JARID2: variants seen among roughly 807,000 people sequenced by gnomAD.
JARID2 encodes jumonji and AT-rich interaction domain containing 2, also known as protein Jumonji.
In JARID2, 21 loss-of-function variants were observed where a neutral mutation model predicts 125.6. The observed-to-expected ratio is 0.17, with a 90% CI of 0.12 to 0.24. The LOEUF is 0.24. Among genes scored for constraint, JARID2 ranks in the 10% least tolerant of loss-of-function variants. The probability of loss-of-function intolerance (pLI) is 1.00; values close to 1 mark genes in which losing one functional copy is unlikely to be tolerated. For synonymous variants in JARID2, 736 were observed against 661.6 expected, an observed-to-expected ratio of 1.11 and a Z score of -1.73; for missense variants, 1,303 against 1,639.6, an observed-to-expected ratio of 0.79 and a Z score of 3.55.
chr6:15,401,286 G>C (rs546736247), intron 2 of JARID2, among the ~76,000 whole-genome samples: 17 of 152,308 alleles, frequency 1.1e-4, no homozygotes, highest in African/African-American at 4.1e-4. Context: ...AAATTTACAA[G>C]AGAGAATTAA....
chr6:15,321,500 G>A (rs1445967416), intron 1 of JARID2, among the ~76,000 whole-genome samples: 2 of 152,048 alleles, frequency 1.3e-5, no homozygotes, highest in South Asian at 2.1e-4. Context: ...TATTACTTCT[G>A]CTCTGTTTCT....
At chr6:15,427,764 A>T (rs566770858) in intron 3 of JARID2, among the ~76,000 whole-genome samples, 1 of 152,224 alleles carries the variant, frequency 6.6e-6, no homozygotes, top group East Asian at 1.9e-4. Flanking sequence ...ATCTTACGTG[A>T]AAGGCACTAG....
intron 16 of JARID2, among the ~76,000 whole-genome samples, chr6:15,513,809 C>T (rs1354849258): frequency 6.6e-6 from 1 of 152,268 alleles, no homozygotes; most frequent in Admixed American, 6.5e-5. Context: ...GTCTGCCATT[C>T]CCTGTGGCCT....
At chr6:15,443,406 C>A (rs1039423339) in intron 3 of JARID2, among the ~76,000 whole-genome samples, 1 of 152,116 alleles carries the variant, frequency 6.6e-6, no homozygotes, top group Non-Finnish European at 1.5e-5. Flanking sequence ...ACTATTTAAT[C>A]TTTAAGGGAG....
chr6:15,430,379 G>A (rs930742299), intron 3 of JARID2, among the ~76,000 whole-genome samples: 4 of 152,096 alleles, frequency 2.6e-5, no homozygotes, highest in African/African-American at 9.7e-5. Context: ...TACAAAATGT[G>A]GGAAGAAGGA....
At chr6:15,363,027 A>G (rs769204634) in intron 1 of JARID2, among the ~76,000 whole-genome samples, 1 of 152,162 alleles carries the variant, frequency 6.6e-6, no homozygotes, top group African/African-American at 2.4e-5. Context: ...AGTAGTTATC[A>G]GTATTTAGAT....
chr6:15,260,800 A>C (rs1759843957), intron 1 of JARID2, among the ~76,000 whole-genome samples: 1 of 152,186 alleles, frequency 6.6e-6, no homozygotes, highest in Non-Finnish European at 1.5e-5. Context: ...TTTCACTTGG[A>C]AATACCTGAA....
At chr6:15,259,209 T>C (rs898092525) in intron 1 of JARID2, among the ~76,000 whole-genome samples, 1 of 152,252 alleles carries the variant, frequency 6.6e-6, no homozygotes. Context: ...CCAGGCAAGA[T>C]GTACCCTTAG....
intron 1 of JARID2, among the ~76,000 whole-genome samples, chr6:15,255,602 G>T (rs943756308): frequency 6.6e-6 from 1 of 152,118 alleles, no homozygotes; most frequent in African/African-American, 2.4e-5. Flanking sequence ...CACCATTTTG[G>T]TGAGAGCTTG....
chr6:15,461,843 AGTCTTGGATCCCAT>A (rs1768464544), intron 4 of JARID2, among the ~76,000 whole-genome samples: 1 of 151,666 alleles, frequency 6.6e-6, no homozygotes, highest in South Asian at 2.1e-4. Context: ...CTCATCCTGG[AGTCTTGGATCCCAT>A]GTAGAGTCCC....
intron 6 of JARID2, among the ~76,000 whole-genome samples, chr6:15,495,566 C>T (rs1463927623): frequency 6.6e-6 from 1 of 152,230 alleles, no homozygotes; most frequent in African/African-American, 2.4e-5. Context: ...ATGAGCACTG[C>T]TGTTCTTTTG....
chr6:15,515,939 GTTGCAGTGAGCCGAGA>G (rs1296973715), intron 16 of JARID2, among the ~76,000 whole-genome samples: 2 of 149,330 alleles, frequency 1.3e-5, no homozygotes, highest in East Asian at 3.9e-4. Context: ...GGAGGTGGAG[GTTGCAGTGAGCCGAGA>G]TCGCGCCATC....
In JARID2 at chr6:15,286,373, G is replaced by A. The variant is rs563240557; in HGVS notation, c.45+39789G>A. Among the ~76,000 whole-genome samples, 12 of 150,408 alleles carry A rather than the reference G, an allele frequency of 8.0e-5. No homozygotes were observed. In the South Asian group the frequency reaches 1.9e-3, roughly 24 times the overall value. On this transcript the variant is annotated intron_variant, in intron 1 of 17. Transcript: ENST00000341776. The stretch of plus-strand genomic sequence containing the variant: ...ATTCAAATGATTCTCTGCCTCAGCC[G>A]CCCGAGTAGCTGGGATTACAGGTGC...
At chr6:15,452,685 A>G (rs1286212306) in intron 4 of JARID2, among the ~76,000 whole-genome samples, 1 of 152,230 alleles carries the variant, frequency 6.6e-6, no homozygotes. Context: ...GACAGTGCAA[A>G]TACTGGTCCA....
At chr6:15,335,771 G>C (rs1762856817) in intron 1 of JARID2, among the ~76,000 whole-genome samples, 3 of 152,130 alleles carry the variant, frequency 2.0e-5, no homozygotes, top group Admixed American at 2.0e-4. Context: ...TGGACCAACA[G>C]CTGGAGCAGG....
In JARID2 at chr6:15,468,692, C is replaced by T; in HGVS notation, c.644C>T (p.Thr215Ile). The change falls in exon 5 of 18, where the codon ACC becomes ATC. Residue 215 changes from threonine (T) to isoleucine (I), a missense_variant. By Grantham distance (89) the Thr-to-Ile change is moderately conservative. Transcript: ENST00000341776. ...CAGTCGACCCCCAGGAAAGGAAAAA[C>T]CCACAAACATGTTCACAACGGGCAT... ...SCQSTPRKGK[T>I]HKHVHNGHVF... The T allele has an allele frequency of 6.2e-7, 1 of 1,613,476 alleles. No individual in the cohort carries two copies. The highest frequency in any genetic ancestry group is 1.1e-5 in the South Asian group (1 of 91,048).
chr6:15,520,168 C>G lies in JARID2; in HGVS notation c.3658C>G (p.Pro1220Ala). Residue 1220 changes from proline (P) to alanine (A), a missense_variant, in exon 18 of 18, where the codon CCC becomes GCC. By Grantham distance (27) the Pro-to-Ala change is conservative. Coordinates refer to ENST00000341776, the MANE Select transcript of JARID2 (RefSeq NM_004973.4). ...CLSKPTPKRGPRKRATVDVPP... is the reference protein window; with the variant it reads ...CLSKPTPKRGARKRATVDVPP... The stretch of plus-strand genomic sequence containing the variant: ...CAGTAAACCCACACCAAAAAGAGGT[C>G]CCCGCAAGAGAGCGACAGTGGACGT... The G allele has an allele frequency of 6.2e-7, 1 of 1,614,068 alleles. No homozygotes were observed. The highest frequency in any genetic ancestry group is 8.5e-7 in the Non-Finnish European group (1 of 1,179,968).
In JARID2 at chr6:15,507,127, T is replaced by TC; in HGVS notation, c.2542-6dup. On this transcript the variant is annotated splice_polypyrimidine_tract_variant and intron_variant, in intron 9 of 17. Transcript: ENST00000341776. The stretch of plus-strand genomic sequence containing the variant: ...GGGGTGCTGACCAGCCCTTTCCTGT[T>TC]CCCTGCAGCAAGAGTACTGGAGGCT... The TC allele has an allele frequency of 6.3e-7, 1 of 1,577,622 alleles. No individual in the cohort carries two copies. The highest frequency in any genetic ancestry group is 8.7e-7 in the Non-Finnish European group (1 of 1,146,814).
Position 15,496,999 on chromosome 6 carries a change from C to T in JARID2, c.1774C>T (p.Pro592Ser). The change falls in exon 7 of 18, where the codon CCT becomes TCT. Residue 592 changes from proline to serine, a missense_variant. Coordinates refer to ENST00000341776, the MANE Select transcript of JARID2 (RefSeq NM_004973.4). ...GTTCGGGATGTGCAGGGTGATCCCC[C>T]CTCCGGACTGGCGGCCCGAGTGCAA... ...EKFGMCRVIP[P>S]PDWRPECKLN... 6.2e-7 allele frequency: 1 copy of T among 1,614,038 alleles called. No individual in the cohort carries two copies. The highest frequency in any genetic ancestry group is 8.5e-7 in the Non-Finnish European group (1 of 1,179,968).
Sources: gnomAD v4.1 joint callset for allele counts (sites outside exome capture counted in the v4.1 genomes callset) on GRCh38, gnomAD v4.1.1 for gene constraint, MANE v1.5 for transcripts, NCBI Gene and HGNC (gene_info 2026-07-23, HGNC 2026-07-21) for gene names.